NCOR2: variants seen among roughly 807,000 people sequenced by gnomAD.
The protein encoded by NCOR2 is CTG repeat protein 26.
In NCOR2, 81 loss-of-function variants were observed where a neutral mutation model predicts 262.9. The ratio of observed to expected loss-of-function variants is 0.31; its 90% confidence interval spans 0.26 to 0.37. NCOR2 has a LOEUF of 0.37. Ranked by LOEUF, NCOR2 falls within the 10% of genes least tolerant of loss-of-function variation. NCOR2 has a pLI of 1.00. For synonymous variants in NCOR2, 1,659 were observed against 1,559.3 expected (o/e 1.06, Z -1.51); for missense variants, 3,385 against 3,621.4 (o/e 0.93, Z 1.68).
chr12:124,438,878 G>GAC (rs138222196), intron 7 of NCOR2, among the ~76,000 whole-genome samples: 7 of 1,006 alleles, frequency 7.0e-3, no homozygotes, highest in East Asian at 0.033. Flanking sequence ...GACAGAGGAA[G>GAC]ACAGAGACCC....
chr12:124,473,579 A>G (rs2046937140), intron 3 of NCOR2, among the ~76,000 whole-genome samples: 1 of 151,788 alleles, frequency 6.6e-6, no homozygotes, highest in African/African-American at 2.4e-5. Flanking sequence ...ACTCCCCTTT[A>G]TGTAATATAT....
intron 1 of NCOR2, among the ~76,000 whole-genome samples, chr12:124,532,733 G>A (rs887563741): frequency 3.3e-5 from 5 of 152,162 alleles, no homozygotes; most frequent in Non-Finnish European, 7.3e-5. Flanking sequence ...GGGGGACAGA[G>A]AGGCAGAGGA....
rs1027537491 is a variant in NCOR2, at chr12:124,481,127, G to A, written c.411+2469C>T. Among the ~76,000 whole-genome samples, 10 of 151,698 alleles carry A rather than the reference G, an allele frequency of 6.6e-5. No individual in the cohort carries two copies. Among genetic ancestry groups the A allele is most frequent in the African/African-American group, 2.2e-4 (9 of 41,262 alleles). ...GTGAAGGGGAGTGAGCAGGACAGGG[G>A]GGCTGTTTGGGTGGAAAGAAAGAGA... is the stretch of plus-strand genomic sequence containing the variant. On this transcript the variant is annotated intron_variant, in intron 3 of 46. Transcript: ENST00000405201. This position sits in a 1 kb window ranked among gnomAD's most constrained non-coding sequence, Gnocchi z 4.6.
intron 37 of NCOR2, 96 bp downstream of exon 39, chr12:124,339,910 C>CCCAAAAAAAACCCA: frequency 9.5e-7 from 1 of 1,057,510 alleles, no homozygotes; most frequent in Non-Finnish European, 1.4e-6. Flanking sequence ...CACCCACCTC[C>CCCAAAAAAAACCCA]CATATACCTC....
intron 3 of NCOR2, among the ~76,000 whole-genome samples, chr12:124,476,078 C>T (rs1259466585): frequency 6.6e-6 from 1 of 152,222 alleles, no homozygotes. Flanking sequence ...GTGGGGCCCT[C>T]ACTGCTCCCC....
At chr12:124,559,483 C>T (rs1310675253) in intron 1 of NCOR2, among the ~76,000 whole-genome samples, 2 of 152,230 alleles carry the variant, frequency 1.3e-5, no homozygotes, top group African/African-American at 2.4e-5. Flanking sequence ...AGTTCTCACC[C>T]AGGGTCTGAC....
intron 3 of NCOR2, among the ~76,000 whole-genome samples, chr12:124,478,947 A>G (rs2047249722): frequency 6.6e-6 from 1 of 152,176 alleles, no homozygotes; most frequent in Non-Finnish European, 1.5e-5. Context: ...GGCATTCCTG[A>G]CAAGAAGAGG....
rs80225634 is a variant in NCOR2, at chr12:124,400,428, G to A, written c.1813+73C>T. Reference sequence around the variant, plus strand: ...TGTTGCCAATTAACTCAAATTGCACGAAACTTTCATATGAGCGCAACCCGC... The same window carrying A: ...TGTTGCCAATTAACTCAAATTGCACAAAACTTTCATATGAGCGCAACCCGC... On this transcript the variant is annotated intron_variant, in intron 15 of 46. Transcript: ENST00000405201. 5.6e-3 allele frequency: 8,712 copies of A among 1,561,194 alleles called. 428 individuals are homozygous for A. In the African/African-American group the frequency reaches 0.1, roughly 18 times the overall value.
At chr12:124,404,347 C>T in intron 13 of NCOR2, among the ~76,000 whole-genome samples, 1 of 152,208 alleles carries the variant, frequency 6.6e-6, no homozygotes, top group East Asian at 1.9e-4. Context: ...TTTTGAATCA[C>T]ACGGGCTTGG....
chr12:124,536,913 G>A (rs2051131114), upstream of NCOR2, among the ~76,000 whole-genome samples: 1 of 152,164 alleles, frequency 6.6e-6, no homozygotes, highest in South Asian at 2.1e-4. Flanking sequence ...TCCATCGACA[G>A]GTGAACGGAT....
chr12:124,438,688 CAG>C (rs1384583484), intron 7 of NCOR2, among the ~76,000 whole-genome samples: 2 of 134,286 alleles, frequency 1.5e-5, no homozygotes, highest in Non-Finnish European at 3.4e-5. Context: ...GAGAGGGAGA[CAG>C]AGACCCAGAA....
chr12:124,510,121 G>C (rs1280352183), intron 1 of NCOR2, among the ~76,000 whole-genome samples: 1 of 152,154 alleles, frequency 6.6e-6, no homozygotes, highest in Non-Finnish European at 1.5e-5. Flanking sequence ...CAGTTTCCTG[G>C]GTTGTAAAAC....
At chr12:124,514,136 G>A (rs969953454) in intron 1 of NCOR2, 1 of 152,334 alleles carries the variant, frequency 6.6e-6, no homozygotes, top group East Asian at 1.9e-4. Context: ...AATCACCACG[G>A]GATGATGTCA....
intron 13 of NCOR2, among the ~76,000 whole-genome samples, chr12:124,404,519 C>T (rs974496582): frequency 6.6e-6 from 1 of 152,230 alleles, no homozygotes; most frequent in East Asian, 1.9e-4. Context: ...CCCCCTGGGG[C>T]CTCACCCATG....
chr12:124,334,557 C>G (rs780918834), exon 41 of NCOR2: 1 of 1,405,870 alleles, frequency 7.1e-7, no homozygotes, highest in Non-Finnish European at 9.2e-7. Context: ...TAGAGGGGGG[C>G]GGGCAGGGGT....
chr12:124,486,553 C>T, exon 2 of NCOR2: 2 of 1,581,536 alleles, frequency 1.3e-6, no homozygotes, highest in Non-Finnish European at 1.7e-6. Context: ...TGCTGGTACT[C>T]CAGGAGCCCG....
chr12:124,348,013 T>G, intron 29 of NCOR2, 102 bp from the exon 32 acceptor site: 1 of 1,459,522 alleles, frequency 6.9e-7, no homozygotes, highest in Non-Finnish European at 9.3e-7. Context: ...ATCCCCACGA[T>G]GATGGTGGAG....
intron 11 of NCOR2, among the ~76,000 whole-genome samples, chr12:124,423,956 G>A (rs1031527652): frequency 7.9e-5 from 12 of 152,160 alleles, no homozygotes; most frequent in African/African-American, 2.2e-4. Flanking sequence ...TCAAAGCCCC[G>A]AGTGCTATCA....
chr12:124,462,376 G>A (rs1256386178), intron 5 of NCOR2, among the ~76,000 whole-genome samples: 1 of 152,178 alleles, frequency 6.6e-6, no homozygotes, highest in African/African-American at 2.4e-5. Context: ...CTGCACCCAA[G>A]CCCCTCCGCT....
Sources: allele counts gnomAD v4.1 joint callset (sites outside exome capture counted in the v4.1 genomes callset), GRCh38; gene constraint gnomAD v4.1.1; non-coding constraint Gnocchi (gnomAD v3.1); transcripts MANE v1.5; gene names NCBI Gene and HGNC (gene_info 2026-07-23, HGNC 2026-07-21).